The following MACC1 variants were observed in gnomAD, a reference collection of about 807,000 sequenced individuals.
The protein encoded by MACC1 is MET transcriptional regulator MACC1, also known as metastasis-associated in colon cancer protein 1.
In MACC1, 79 loss-of-function variants were observed where a neutral mutation model predicts 70.7. The observed-to-expected ratio is 1.12, with a 90% CI of 0.93 to 1.35. The LOEUF (loss-of-function observed/expected upper bound fraction) is 1.35. Ranked by LOEUF, MACC1 falls within the 40% of genes most tolerant of loss-of-function variation. The pLI is 0.00. For missense variants in MACC1, 1,106 were observed against 978.1 expected (o/e 1.13, Z -1.74); for synonymous variants, 361 against 347.2 (o/e 1.04, Z -0.44).
chr7:20,208,403 A>G (rs891909145), intron 1 of MACC1, among the ~76,000 whole-genome samples: 2 of 152,186 alleles, frequency 1.3e-5, no homozygotes, highest in African/African-American at 4.8e-5. Context: ...AGTAATATGG[A>G]CAATGAAGTT....
In MACC1 at chr7:20,158,565, A is replaced by C. The variant is rs1474759029; in HGVS notation, c.1796T>G (p.Val599Gly). The change falls in exon 5 of 7, where the codon GTA becomes GGA. Residue 599 changes from valine (V) to glycine (G), a missense_variant. Val to Gly is a moderately radical substitution (Grantham distance 109). Coordinates refer to ENST00000400331, the MANE Select transcript of MACC1 (RefSeq NM_182762.4). ...TCCAATCTTACCTCTGAGGACTCCTACATACCATTCTTTCACTTTGGACTG... is the reference window on the plus strand; with the variant it reads ...TCCAATCTTACCTCTGAGGACTCCTCCATACCATTCTTTCACTTTGGACTG... ...IGQSKVKEWY[V>G]GVLRGKIGLV... 1 of 1,614,030 alleles carries C rather than the reference A, an allele frequency of 6.2e-7. No homozygotes were observed.
chr7:20,183,572 C>G (rs1782542486), intron 1 of MACC1, among the ~76,000 whole-genome samples: 1 of 152,210 alleles, frequency 6.6e-6, no homozygotes, highest in Admixed American at 6.5e-5. Flanking sequence ...GAAATGGAAT[C>G]TAATGCAACA....
At position 20,137,648 on chromosome 7, in the gene MACC1, T is replaced by C. The variant is rs926060144; in HGVS notation, c.*3298A>G. The C allele has an allele frequency of 6.6e-6, 1 of 152,206 alleles. No individual in the cohort carries two copies. Among genetic ancestry groups the C allele is most frequent in the African/African-American group, 2.4e-5 (1 of 41,442 alleles). The allele number at this position is 152,206 out of a possible 1,614,324, so 9.4% of individuals were successfully genotyped here. A position where few individuals can be genotyped will look rare whatever the true frequency, so the allele number is the denominator to read the frequency against. On this transcript the variant is annotated 3_prime_UTR_variant, in exon 7 of 7. Coordinates refer to ENST00000400331, the MANE Select transcript of MACC1 (RefSeq NM_182762.4). Reference sequence around the variant, plus strand: ...TTTAGATTAATGGGATTTGATACTTTTAATGATGTCAAAGATGGTATATAA... The same window carrying C: ...TTTAGATTAATGGGATTTGATACTTCTAATGATGTCAAAGATGGTATATAA...
chr7:20,159,020 CTT>C lies in MACC1; in HGVS notation c.1339_1340del (p.Lys447AspfsTer9), dbSNP rs899711908. The C allele has an allele frequency of 1.2e-6, 2 of 1,613,832 alleles. No individual in the cohort carries two copies. Among genetic ancestry groups the C allele is most frequent in the African/African-American group, 2.7e-5 (2 of 74,928 alleles). Reference protein sequence around the residue: ...IFSCDPDFEVKTEGERKEIKQ... With the variant: ...IFSCDPDFEVXTEGERKEIKQ... ...TAATTTCTTTCCTTTCTCCTTCTGT[CTT>C]TACTTCAAAATCAGGATCACAGGAA... On this transcript the variant is annotated frameshift_variant, in exon 5 of 7. Transcript: ENST00000400331. LOFTEE classifies it high-confidence loss of function.
rs191735303 is a variant in MACC1 at position 20,160,394 on chromosome 7, A to T, written c.116-149T>A. 5.5e-6 allele frequency: 5 copies of T among 911,322 alleles called. No homozygotes were observed. The East Asian group carries it at 1.5e-4, about 27-fold the overall frequency. The allele number at this position is 911,322 out of a possible 1,614,324, so 56.5% of individuals were successfully genotyped here. On this transcript the variant is annotated intron_variant, in intron 4 of 6. Coordinates refer to ENST00000400331, the MANE Select transcript of MACC1 (RefSeq NM_182762.4). ...TAGTCTACTAGCTAACATAAACTCA[A>T]TGTTAAATTTGCTCAAATTTATATG...
At chr7:20,177,391 C>T (rs3114448) in intron 1 of MACC1, among the ~76,000 whole-genome samples, 69,835 of 151,598 alleles carry the variant, frequency 0.46, 17,316 homozygotes, top group East Asian at 0.86. Flanking sequence ...GTGATAAAAT[C>T]TCCCACCATG....
rs765810351 is a variant in MACC1 at position 20,159,917 on chromosome 7, G to A, written c.444C>T (p.Asp148=). 35 of 1,614,038 alleles carry A rather than the reference G, an allele frequency of 2.2e-5. No individual in the cohort carries two copies. Among genetic ancestry groups the A allele is most frequent in the Non-Finnish European group, 2.8e-5 (33 of 1,180,004 alleles). The part of the protein sequence containing the change: ...KSVSELLDIL[D]DTAHAHQSIH... Reference sequence around the variant, plus strand: ...TACTCTGATGGGCATGTGCTGTGTCGTCTAAAATGTCCAGAAGTTCTGAAA... The same window carrying A: ...TACTCTGATGGGCATGTGCTGTGTCATCTAAAATGTCCAGAAGTTCTGAAA... The change falls in exon 5 of 7, where the codon GAC becomes GAT. Residue 148 remains aspartate (D), a synonymous_variant. Coordinates refer to ENST00000400331, the MANE Select transcript of MACC1 (RefSeq NM_182762.4).
chr7:20,178,481 G>A (rs1000461233), intron 1 of MACC1, among the ~76,000 whole-genome samples: 3 of 152,300 alleles, frequency 2.0e-5, no homozygotes, highest in Non-Finnish European at 1.5e-5. Context: ...AGCTTCAACA[G>A]TCTGGTTGGT....
At chr7:20,209,181 C>T (rs149556216) in intron 1 of MACC1, among the ~76,000 whole-genome samples, 23 of 152,344 alleles carry the variant, frequency 1.5e-4, no homozygotes, top group East Asian at 9.6e-4. Context: ...ACACATAGTC[C>T]GCTCTGGGGC....
chr7:20,161,753 A>G lies in MACC1; in HGVS notation c.110T>C (p.Ile37Thr). ...ACAGTTATAAATTCCCATACCTGTA[A>G]TATTGCAACTTTTTGAGAGTTTTCC... Reference protein sequence around the residue: ...EAGKLSKSCNITECQDPDLLH... With the variant: ...EAGKLSKSCNTTECQDPDLLH... The change falls in exon 4 of 7, where the codon ATT (isoleucine) becomes ACT (threonine). Residue 37 changes from isoleucine (I) to threonine (T), a missense_variant. Coordinates refer to ENST00000400331, the MANE Select transcript of MACC1 (RefSeq NM_182762.4). 1 of 1,599,764 alleles carries G rather than the reference A, an allele frequency of 6.3e-7. No homozygotes were observed. Among genetic ancestry groups the G allele is most frequent in the South Asian group, 1.1e-5 (1 of 90,664 alleles).
chr7:20,211,483 G>C (rs893949733), intron 1 of MACC1, among the ~76,000 whole-genome samples: 4 of 152,144 alleles, frequency 2.6e-5, no homozygotes. Flanking sequence ...GAGAAACGGA[G>C]AGGTTGATTT....
intron 1 of MACC1, among the ~76,000 whole-genome samples, chr7:20,179,039 A>G (rs1178121777): frequency 6.6e-6 from 1 of 152,104 alleles, no homozygotes; most frequent in Non-Finnish European, 1.5e-5. Flanking sequence ...CTTCAGATTT[A>G]TTAACTTTTA....
chr7:20,190,559 G>A (rs918898701), intron 1 of MACC1, among the ~76,000 whole-genome samples: 1 of 152,174 alleles, frequency 6.6e-6, no homozygotes, highest in Admixed American at 6.5e-5. Flanking sequence ...AACAGAATTA[G>A]CATTGGCTTT....
At chr7:20,211,685 T>C (rs189610851) in intron 1 of MACC1, among the ~76,000 whole-genome samples, 60 of 152,336 alleles carry the variant, frequency 3.9e-4, no homozygotes, top group Non-Finnish European at 8.8e-5. Flanking sequence ...GTGTTATAAA[T>C]GTTTTGGAAA....
intron 4 of MACC1, among the ~76,000 whole-genome samples, chr7:20,161,093 T>A (rs1040845281): frequency 6.6e-6 from 1 of 152,124 alleles, no homozygotes; most frequent in Non-Finnish European, 1.5e-5. Flanking sequence ...GAAGCCATTT[T>A]TTGTTTGTGT....
At chr7:20,172,553 TTTAAA>T (rs1348987249) in intron 1 of MACC1, among the ~76,000 whole-genome samples, 2 of 152,300 alleles carry the variant, frequency 1.3e-5, no homozygotes, top group East Asian at 3.9e-4. Flanking sequence ...TAATTTCATG[TTTAAA>T]TTAATTATGT....
At chr7:20,150,632 T>C (rs911407951) in intron 6 of MACC1, 9 of 152,226 alleles carry the variant, frequency 5.9e-5, no homozygotes, top group African/African-American at 1.2e-4. Flanking sequence ...ATTAGGAACA[T>C]TGACTTCGCT....
chr7:20,181,171 A>T (rs140468376), intron 1 of MACC1, among the ~76,000 whole-genome samples: 1 of 152,138 alleles, frequency 6.6e-6, no homozygotes, highest in African/African-American at 2.4e-5. Flanking sequence ...AAGAAATAGG[A>T]CTGCCAGCTA....
At chr7:20,197,058 C>G (rs1021480891) in intron 1 of MACC1, among the ~76,000 whole-genome samples, 5 of 152,154 alleles carry the variant, frequency 3.3e-5, no homozygotes, top group Non-Finnish European at 7.3e-5. Context: ...CCAGGTCACC[C>G]CACCAGAACT....
Sources: allele counts gnomAD v4.1 joint callset (sites outside exome capture counted in the v4.1 genomes callset), GRCh38; gene constraint gnomAD v4.1.1; transcripts MANE v1.5; gene names NCBI Gene and HGNC (gene_info 2026-07-23, HGNC 2026-07-21).